PAMR1: variants seen among roughly 807,000 people sequenced by gnomAD.
PAMR1 encodes the protein inactive serine protease PAMR1.
A neutral mutation model predicts 81.8 loss-of-function variants in PAMR1; 88 were observed. The observed-to-expected ratio is 1.08, with a 90% confidence interval of 0.91 to 1.28. The LOEUF is 1.28. Ranked by LOEUF, PAMR1 falls within the 50% of genes most tolerant of loss-of-function variation. PAMR1 has a pLI of 0.00. For synonymous variants in PAMR1, 336 were observed against 345.3 expected, an observed-to-expected ratio of 0.97 and a Z score of 0.30; for missense variants, 935 against 919.7, an observed-to-expected ratio of 1.02 and a Z score of -0.21.
intron 6 of PAMR1, among the ~76,000 whole-genome samples, chr11:35,442,906 GTTTC>G (rs1856206209): frequency 1.3e-5 from 2 of 151,952 alleles, no homozygotes; most frequent in South Asian, 4.2e-4. Flanking sequence ...ACTGACCTTA[GTTTC>G]TTTTTTTTAA....
rs1855924827 is a variant in PAMR1, at chr11:35,432,375, A to G, written c.2144T>C (p.Ile715Thr). ...CATGGTTCATTTCATATTTCTTTCA[A>G]TCCAGTCTTTAAAAGGCAGCACCTT... ...FTKVLPFKDW[I>T]ERNMK Residue 715 changes from isoleucine (I) to threonine (T), a missense_variant, in exon 11 of 11, where the codon ATT becomes ACT. Ile to Thr is a moderately conservative substitution (Grantham distance 89, BLOSUM62 -1). Coordinates refer to ENST00000619888, the MANE Select transcript of PAMR1 (RefSeq NM_001001991.3). 3 of 1,612,222 alleles carry G rather than the reference A, an allele frequency of 1.9e-6. No individual in the cohort carries two copies. Among genetic ancestry groups the G allele is most frequent in the South Asian group, 1.1e-5 (1 of 91,084 alleles).
chr11:35,454,286 C>G (rs1202441156), intron 6 of PAMR1, among the ~76,000 whole-genome samples: 1 of 152,188 alleles, frequency 6.6e-6, no homozygotes, highest in East Asian at 1.9e-4. Context: ...CATATGTGTA[C>G]CTCATATGAG....
At chr11:35,447,140 C>A (rs1334409893) in intron 6 of PAMR1, among the ~76,000 whole-genome samples, 2 of 151,102 alleles carry the variant, frequency 1.3e-5, no homozygotes, top group Non-Finnish European at 2.9e-5. Flanking sequence ...TTGTCAGAAA[C>A]TAGCATTGCA....
intron 1 of PAMR1, among the ~76,000 whole-genome samples, chr11:35,514,681 A>C (rs1243525837): frequency 6.6e-6 from 1 of 152,194 alleles, no homozygotes; most frequent in Non-Finnish European, 1.5e-5. Context: ...AAATAATTGA[A>C]TAATGCATCT....
At chr11:35,437,919 G>A (rs1350261274) in intron 8 of PAMR1, among the ~76,000 whole-genome samples, 11 of 152,100 alleles carry the variant, frequency 7.2e-5, no homozygotes, top group Admixed American at 7.2e-4. Context: ...CCCCTGAAAG[G>A]AAAAAGACAA....
intron 3 of PAMR1, among the ~76,000 whole-genome samples, chr11:35,488,209 T>A (rs985933363): frequency 6.8e-6 from 1 of 147,928 alleles, no homozygotes; most frequent in African/African-American, 2.5e-5. Flanking sequence ...TTTTTTTTTT[T>A]TTTTTTTTTT....
At chr11:35,484,136 C>A (rs1197150064) in intron 3 of PAMR1, among the ~76,000 whole-genome samples, 1 of 152,204 alleles carries the variant, frequency 6.6e-6, no homozygotes, top group African/African-American at 2.4e-5. Context: ...TTATTGAGCA[C>A]TTACTATATA....
chr11:35,513,780 T>A (rs1205579912), intron 1 of PAMR1, among the ~76,000 whole-genome samples: 2 of 152,206 alleles, frequency 1.3e-5, no homozygotes, highest in Non-Finnish European at 2.9e-5. Context: ...TTAAAAGTCT[T>A]ATTCCTGGAC....
Position 35,494,170 on chromosome 11 carries a change from C to T in PAMR1, c.176G>A (p.Arg59Lys), listed in dbSNP as rs1217352743. ...AGGGATGGTATAACCCACGACTTCC[C>T]TCTTTCCGGGGCAGACGCACTCAAT... ...DQIECVCPGKREVVGYTIPCC... is the reference protein window; with the variant it reads ...DQIECVCPGKKEVVGYTIPCC... Residue 59 changes from arginine to lysine, a missense_variant, in exon 2 of 11, where the codon AGG (arginine) becomes AAG (lysine). Transcript: ENST00000619888. 5.6e-6 allele frequency: 9 copies of T among 1,614,026 alleles called. No homozygotes were observed. The highest frequency in any genetic ancestry group is 3.3e-5 in the Admixed American group (2 of 60,008).
upstream of PAMR1, among the ~76,000 whole-genome samples, chr11:35,528,244 A>C (rs1851421442): frequency 6.6e-6 from 1 of 152,174 alleles, no homozygotes; most frequent in Non-Finnish European, 1.5e-5. Context: ...GCAGACTTGA[A>C]TTTATAAAAG....
rs1313607724 is a variant in PAMR1, at chr11:35,493,374, C to G, written c.250+722G>C. Among the ~76,000 whole-genome samples the G allele has an allele frequency of 2.0e-5, 3 of 152,114 alleles. No individual in the cohort carries two copies. The East Asian group carries it at 5.8e-4, about 29-fold the overall frequency. Reference sequence around the variant, plus strand: ...TTCAGGATCTGGCTCTTGTTCCTCCCTTCAGATTGCTCTCTCTTAATCTTT... The same window carrying G: ...TTCAGGATCTGGCTCTTGTTCCTCCGTTCAGATTGCTCTCTCTTAATCTTT... On this transcript the variant is annotated intron_variant, in intron 2 of 10. Transcript: ENST00000619888.
intron 6 of PAMR1, among the ~76,000 whole-genome samples, chr11:35,452,729 T>C (rs563737145): frequency 2.0e-5 from 3 of 152,328 alleles, no homozygotes; most frequent in African/African-American, 7.2e-5. Context: ...CAAAATGGCT[T>C]GGGTCTTCCC....
chr11:35,444,915 A>G (rs1027551518), intron 6 of PAMR1, among the ~76,000 whole-genome samples: 6 of 152,200 alleles, frequency 3.9e-5, no homozygotes, highest in African/African-American at 1.4e-4. Flanking sequence ...CATTGAATCT[A>G]TAAATTACTT....
chr11:35,499,035 A>T (rs1850780383), intron 1 of PAMR1, among the ~76,000 whole-genome samples: 1 of 152,210 alleles, frequency 6.6e-6, no homozygotes, highest in African/African-American at 2.4e-5. Flanking sequence ...CACCACTGCC[A>T]GGGCAGGGCT....
At position 35,506,875 on chromosome 11, in the gene PAMR1, CT is replaced by C. The variant is rs60325085; in HGVS notation, c.74-12604del. Among the ~76,000 whole-genome samples the C allele has an allele frequency of 8.2e-3, 1,180 of 143,156 alleles. 17 individuals are homozygous for C. The highest frequency in any genetic ancestry group is 0.063 in the East Asian group (316 of 5,028). 93.9% of individuals were successfully genotyped at this position (143,156 alleles called of 152,430 possible). On this transcript the variant is annotated intron_variant, in intron 1 of 10. Transcript: ENST00000619888. ...CTTAAGTTTAGAAAGTTTTTTAGTTCTTTTTTTTTTTTTTGAATAAGCTTTC... is the reference window on the plus strand; with the variant it reads ...CTTAAGTTTAGAAAGTTTTTTAGTTCTTTTTTTTTTTTTGAATAAGCTTTC...
intron 1 of PAMR1, among the ~76,000 whole-genome samples, chr11:35,507,890 G>C (rs1284937692): frequency 6.6e-6 from 1 of 151,006 alleles, no homozygotes; most frequent in Non-Finnish European, 1.5e-5. Flanking sequence ...TAAACAAACA[G>C]AAAACTGCCT....
At chr11:35,517,901 A>G (rs1252354742) in intron 1 of PAMR1, among the ~76,000 whole-genome samples, 1 of 152,244 alleles carries the variant, frequency 6.6e-6, no homozygotes, top group Non-Finnish European at 1.5e-5. Flanking sequence ...AGCATGTGTG[A>G]TTCCAAGTGT....
chr11:35,493,116 A>G (rs1267980231), intron 2 of PAMR1, among the ~76,000 whole-genome samples: 2 of 151,982 alleles, frequency 1.3e-5, no homozygotes, highest in Non-Finnish European at 2.9e-5. Context: ...CGTGTGGTCA[A>G]TTCCATTCTC....
In PAMR1 at chr11:35,470,700, C is replaced by G; in HGVS notation, c.613G>C (p.Ala205Pro). Residue 205 changes from alanine (A) to proline (P), a missense_variant, in exon 5 of 11, where the codon GCT becomes CCT. Ala to Pro is a conservative substitution (Grantham distance 27, BLOSUM62 -1). Coordinates refer to ENST00000619888, the MANE Select transcript of PAMR1 (RefSeq NM_001001991.3). ...GAGGATCCTATGCTCTGGATAGGAG[C>G]TGGCCGCTCGTTGCCACAGACACGC... ...IKRVCGNERP[A>P]PIQSIGSSLH... The G allele has an allele frequency of 1.2e-6, 2 of 1,614,156 alleles. No homozygotes were observed. Among genetic ancestry groups the G allele is most frequent in the African/African-American group, 1.3e-5 (1 of 75,038 alleles).
Sources: allele counts gnomAD v4.1 joint callset (sites outside exome capture counted in the v4.1 genomes callset), GRCh38; gene constraint gnomAD v4.1.1; transcripts MANE v1.5; gene names NCBI Gene and HGNC (gene_info 2026-07-23, HGNC 2026-07-21).